Variants in QTGAL observed in about 807,000 individuals in gnomAD.
The protein encoded by QTGAL is BGnT-like protein 1.
At chr17:82,952,327 C>T in the QTGAL span, among the ~76,000 whole-genome samples, 3 of 152,186 alleles carry the variant, frequency 2.0e-5, no homozygotes, top group African/African-American at 7.2e-5. Context: ...AACAGTACCG[C>T]TTGGGGCCTG....
At chr17:82,996,927 T>C in the QTGAL span, among the ~76,000 whole-genome samples, 1 of 152,200 alleles carries the variant, frequency 6.6e-6, no homozygotes, top group African/African-American at 2.4e-5. Flanking sequence ...ATTTAAGACT[T>C]CAAACTATGA....
chr17:82,997,363 T>C, the QTGAL span, among the ~76,000 whole-genome samples: 1 of 152,178 alleles, frequency 6.6e-6, no homozygotes, highest in Non-Finnish European at 1.5e-5. Flanking sequence ...AAATGGCTTT[T>C]ATCCAAAAAA....
the QTGAL span, among the ~76,000 whole-genome samples, chr17:82,965,993 T>C: frequency 0.019 from 2,850 of 152,060 alleles, 94 homozygotes; most frequent in African/African-American, 0.065. Flanking sequence ...TCACTCACTG[T>C]AGCCTTGACC....
At chr17:82,967,442 G>A in the QTGAL span, among the ~76,000 whole-genome samples, 1 of 152,064 alleles carries the variant, frequency 6.6e-6, no homozygotes, top group Non-Finnish European at 1.5e-5. Context: ...TCCTGAGGAA[G>A]GTCGCTGGTT....
the QTGAL span, among the ~76,000 whole-genome samples, chr17:82,986,894 A>G: frequency 6.3e-3 from 966 of 152,154 alleles, 6 homozygotes; most frequent in African/African-American, 0.021. Flanking sequence ...TGGGGTGCAG[A>G]GCACCTTTCT....
the QTGAL span, among the ~76,000 whole-genome samples, chr17:82,994,163 A>C: frequency 4.6e-5 from 7 of 152,132 alleles, no homozygotes; most frequent in Non-Finnish European, 1.0e-4. Context: ...CAGAGCAGAA[A>C]TAAATGAATT....
At chr17:82,963,374 G>A in the QTGAL span, among the ~76,000 whole-genome samples, 5 of 152,288 alleles carry the variant, frequency 3.3e-5, no homozygotes, top group South Asian at 2.1e-4. Context: ...GTCACCACGC[G>A]GGGACAGAAG....
At chr17:82,980,673 G>A in the QTGAL span, among the ~76,000 whole-genome samples, 5 of 152,200 alleles carry the variant, frequency 3.3e-5, no homozygotes, top group African/African-American at 4.8e-5. Context: ...GAAAGGTATG[G>A]GGGAAGTGGT....
the QTGAL span, among the ~76,000 whole-genome samples, chr17:83,028,352 G>A: frequency 0.015 from 2,240 of 150,448 alleles, 47 homozygotes; most frequent in African/African-American, 0.052. Flanking sequence ...GTGAAACCCC[G>A]TCTCTACTAA....
the QTGAL span, among the ~76,000 whole-genome samples, chr17:82,999,136 T>G: frequency 6.6e-6 from 1 of 152,196 alleles, no homozygotes; most frequent in East Asian, 1.9e-4. Context: ...TCTAAGTATT[T>G]TCCCAAGAGA....
chr17:82,966,811 G>C, the QTGAL span, among the ~76,000 whole-genome samples: 99 of 152,286 alleles, frequency 6.5e-4, 1 homozygote, highest in African/African-American at 2.3e-3. Flanking sequence ...CACAGCAGAA[G>C]ACATGGATAA....
At chr17:82,942,378 T>A in the QTGAL span, 7 of 1,604,814 alleles carry the variant, frequency 4.4e-6, no homozygotes, top group African/African-American at 2.7e-5. Context: ...CCCAGAGGGG[T>A]GAGGGTCCCC....
chr17:82,948,194 G>C, the QTGAL span: 2 of 152,094 alleles, frequency 1.3e-5, no homozygotes, highest in African/African-American at 4.8e-5. Flanking sequence ...CGGGCACGGG[G>C]GGTTGTTGGT....
the QTGAL span, among the ~76,000 whole-genome samples, chr17:83,018,330 G>A: frequency 6.6e-6 from 1 of 152,234 alleles, no homozygotes; most frequent in Non-Finnish European, 1.5e-5. Flanking sequence ...CGAACATGGT[G>A]TGGCTGTATC....
At chr17:82,958,471 A>T in the QTGAL span, among the ~76,000 whole-genome samples, 1 of 152,180 alleles carries the variant, frequency 6.6e-6, no homozygotes. Context: ...TCGTGGGTTC[A>T]GCCTCGGGAT....
the QTGAL span, chr17:83,014,602 C>A: frequency 6.7e-7 from 1 of 1,491,340 alleles, no homozygotes; most frequent in African/African-American, 1.4e-5. Context: ...ATTGCCCAGG[C>A]TGGAGTGCAA....
At chr17:82,949,518 T>C in the QTGAL span, 2 of 152,134 alleles carry the variant, frequency 1.3e-5, no homozygotes, top group Non-Finnish European at 2.9e-5. Flanking sequence ...CCAAACGGAA[T>C]TGCAGGGGAG....
the QTGAL span, among the ~76,000 whole-genome samples, chr17:83,009,525 G>A: frequency 3.3e-5 from 5 of 152,352 alleles, no homozygotes; most frequent in South Asian, 1.0e-3. Flanking sequence ...GGCACAGTTT[G>A]CAGGGCCCTT....
chr17:83,005,169 G>C, the QTGAL span: 1 of 1,610,820 alleles, frequency 6.2e-7, no homozygotes, highest in Non-Finnish European at 8.5e-7. The surrounding 1 kb of genome is among the most constrained non-coding windows in gnomAD (Gnocchi z 5.6). Context: ...TGTATCGTTC[G>C]GTGGAGTTAG....
Sources: gnomAD v4.1 joint callset for allele counts (sites outside exome capture counted in the v4.1 genomes callset) on GRCh38, gnomAD v4.1.1 for gene constraint, Gnocchi (gnomAD v3.1) non-coding constraint, MANE v1.5 for transcripts, NCBI Gene and HGNC (gene_info 2026-07-23, HGNC 2026-07-21) for gene names.